The following LDB2 variants were observed in gnomAD, a reference collection of about 807,000 sequenced individuals.
LDB2 encodes the protein LIM domain binding 2, also known as LIM domain-binding protein 2.
In LDB2, 12 loss-of-function variants were observed where a neutral mutation model predicts 44.3. The observed-to-expected ratio is 0.27, with a 90% CI of 0.17 to 0.44. The LOEUF (loss-of-function observed/expected upper bound fraction) is 0.44, where lower values mean the gene tolerates loss of function less well. Among genes scored for constraint, LDB2 ranks in the 20% least tolerant of loss-of-function variants. The pLI, the probability that LDB2 is intolerant of heterozygous loss-of-function variation, is 1.00. For synonymous variants in LDB2, 164 were observed against 174.8 expected, an observed-to-expected ratio of 0.94 and a Z score of 0.49; for missense variants, 344 against 473.5, an observed-to-expected ratio of 0.73 and a Z score of 2.54.
At chr4:16,692,681 T>C (rs1751081468) in intron 2 of LDB2, among the ~76,000 whole-genome samples, 1 of 152,054 alleles carries the variant, frequency 6.6e-6, no homozygotes, top group Admixed American at 6.6e-5. Flanking sequence ...CAGAGGAGCA[T>C]AGCAGGAGAG....
chr4:16,628,819 G>T (rs1042531265), intron 2 of LDB2, among the ~76,000 whole-genome samples: 1 of 152,330 alleles, frequency 6.6e-6, no homozygotes, highest in South Asian at 2.1e-4. Context: ...CCCAGGAAGT[G>T]CAAGGGGTCA....
chr4:16,682,379 T>A (rs1748163159), intron 2 of LDB2, among the ~76,000 whole-genome samples: 1 of 152,202 alleles, frequency 6.6e-6, no homozygotes, highest in Admixed American at 6.5e-5. Flanking sequence ...AGACCAGGCA[T>A]CGTCAGCTGG....
intron 1 of LDB2, among the ~76,000 whole-genome samples, chr4:16,799,026 TG>T (rs1446455153): frequency 6.6e-6 from 1 of 152,128 alleles, no homozygotes; most frequent in Non-Finnish European, 1.5e-5. Context: ...AATTTTTTTT[TG>T]TATTTTTAGT....
Position 16,628,932 on chromosome 4 carries a change from G to T in LDB2, c.236-33057C>A, listed in dbSNP as rs149168300. Among the ~76,000 whole-genome samples the T allele has an allele frequency of 6.5e-3, 992 of 152,316 alleles. 14 individuals are homozygous for T. Among genetic ancestry groups the T allele is most frequent in the Non-Finnish European group, 9.6e-3 (655 of 68,026 alleles). Reference sequence around the variant, plus strand: ...GCACTTTTCCCATGGTCTCACAACCGGTAGACCAGGAGATCCCCCACCCTG... The same window carrying T: ...GCACTTTTCCCATGGTCTCACAACCTGTAGACCAGGAGATCCCCCACCCTG... On this transcript the variant is annotated intron_variant, in intron 2 of 7. Coordinates refer to ENST00000304523, the MANE Select transcript of LDB2 (RefSeq NM_001290.5).
At chr4:16,702,994 A>G (rs770829157) in intron 2 of LDB2, among the ~76,000 whole-genome samples, 1 of 152,166 alleles carries the variant, frequency 6.6e-6, no homozygotes, top group Non-Finnish European at 1.5e-5. Context: ...GCTGTTTCTG[A>G]CCACACAGAC....
chr4:16,878,083 A>G (rs1718959913), intron 1 of LDB2, among the ~76,000 whole-genome samples: 1 of 152,240 alleles, frequency 6.6e-6, no homozygotes, highest in Non-Finnish European at 1.5e-5. Context: ...TAATGAAGAT[A>G]TTGTAAAAGT....
intron 2 of LDB2, among the ~76,000 whole-genome samples, chr4:16,654,798 A>C (rs55875736): frequency 0.14 from 21,576 of 152,154 alleles, 1,758 homozygotes; most frequent in East Asian, 0.28. Flanking sequence ...AGTCTTGGTT[A>C]ATAACAATAC....
intron 2 of LDB2, among the ~76,000 whole-genome samples, chr4:16,686,427 G>T (rs1749262237): frequency 6.6e-6 from 1 of 152,194 alleles, no homozygotes; most frequent in African/African-American, 2.4e-5. Flanking sequence ...TAAGCAACTT[G>T]CCCAAAGACA....
intron 1 of LDB2, among the ~76,000 whole-genome samples, chr4:16,768,994 T>C (rs898937774): frequency 2.6e-5 from 4 of 152,228 alleles, no homozygotes; most frequent in Non-Finnish European, 4.4e-5. Flanking sequence ...GACTCATGAC[T>C]GCTCCATTAT....
intron 1 of LDB2, among the ~76,000 whole-genome samples, chr4:16,774,095 C>T (rs1238661331): frequency 7.2e-6 from 1 of 138,658 alleles, no homozygotes; most frequent in Non-Finnish European, 1.5e-5. Flanking sequence ...GCAGAGGTTG[C>T]AGTGAGCCAA....
chr4:16,558,124 A>G (rs1014706840), intron 5 of LDB2, among the ~76,000 whole-genome samples: 1 of 152,184 alleles, frequency 6.6e-6, no homozygotes, highest in Admixed American at 6.5e-5. Flanking sequence ...GAAAAAACAG[A>G]GCAGAAAAAC....
intron 2 of LDB2, among the ~76,000 whole-genome samples, chr4:16,682,741 G>A (rs1405890995): frequency 3.3e-5 from 5 of 152,172 alleles, no homozygotes; most frequent in Non-Finnish European, 7.4e-5. Flanking sequence ...TGGTTCTGAG[G>A]CTCAGAATTC....
At chr4:16,630,619 C>T (rs1731654620) in intron 2 of LDB2, among the ~76,000 whole-genome samples, 1 of 152,114 alleles carries the variant, frequency 6.6e-6, no homozygotes, top group Non-Finnish European at 1.5e-5. Flanking sequence ...GCGCTAAATG[C>T]CCCAATTAAA....
chr4:16,893,405 A>G (rs992904068), intron 1 of LDB2, among the ~76,000 whole-genome samples: 1 of 152,140 alleles, frequency 6.6e-6, no homozygotes, highest in Non-Finnish European at 1.5e-5. Context: ...CCATCTGAAC[A>G]TCAATGATAC....
chr4:16,666,580 G>T (rs1384417892), intron 2 of LDB2, among the ~76,000 whole-genome samples: 4 of 152,210 alleles, frequency 2.6e-5, no homozygotes, highest in South Asian at 2.1e-4. Context: ...GAGAACCAGG[G>T]TTCCACCAGG....
rs1368637372 is a variant in LDB2 at position 16,530,925 on chromosome 4, T to C, written c.616-18821A>G. Among the ~76,000 whole-genome samples the C allele has an allele frequency of 1.3e-5, 2 of 152,204 alleles. 1 individual carries two copies. Among genetic ancestry groups the C allele is most frequent in the Admixed American group, 1.3e-4 (2 of 15,274 alleles). On this transcript the variant is annotated intron_variant, in intron 5 of 7. Coordinates refer to ENST00000304523, the MANE Select transcript of LDB2 (RefSeq NM_001290.5). ...AACCTAAGGCTTACAGAGATTTAAG[T>C]GACTCACCATTCATAAATGATCTCA...
chr4:16,667,513 C>T (rs1484426071), intron 2 of LDB2, among the ~76,000 whole-genome samples: 1 of 152,186 alleles, frequency 6.6e-6, no homozygotes, highest in East Asian at 1.9e-4. Context: ...TCCTGCTACA[C>T]CTGTTGTTTC....
chr4:16,608,843 C>A (rs554965563), intron 2 of LDB2, among the ~76,000 whole-genome samples: 1 of 152,240 alleles, frequency 6.6e-6, no homozygotes, highest in Non-Finnish European at 1.5e-5. Context: ...CTGGACCACA[C>A]GAGTCAGGAG....
intron 2 of LDB2, among the ~76,000 whole-genome samples, chr4:16,637,478 G>A (rs562931891): frequency 3.3e-5 from 5 of 152,004 alleles, no homozygotes; most frequent in South Asian, 4.2e-4. Context: ...AAGTCTTTAC[G>A]GAGTACCCAC....
Sources: allele counts gnomAD v4.1 joint callset (sites outside exome capture counted in the v4.1 genomes callset), GRCh38; gene constraint gnomAD v4.1.1; transcripts MANE v1.5; gene names NCBI Gene and HGNC (gene_info 2026-07-23, HGNC 2026-07-21).